BDH2: variants seen among roughly 807,000 people sequenced by gnomAD.
BDH2 encodes the protein 3-hydroxybutyrate dehydrogenase 2, also known as dehydrogenase/reductase SDR family member 6.
Under a neutral mutation model 33.2 loss-of-function variants are expected in BDH2, and 24 were observed. The observed-to-expected ratio is 0.72, with a 90% CI of 0.52 to 1.02. The LOEUF (loss-of-function observed/expected upper bound fraction) is 1.02, where lower values mean the gene tolerates loss of function less well. Among genes scored for constraint, BDH2 ranks in the 50% least tolerant of loss-of-function variants. The pLI is 0.00. For missense variants in BDH2, 249 were observed against 301.6 expected (o/e 0.83, Z 1.29); for synonymous variants, 81 against 101.6 (o/e 0.80, Z 1.22).
At chr4:103,089,557 T>C (rs1245492929) in intron 5 of BDH2, among the ~76,000 whole-genome samples, 1 of 152,232 alleles carries the variant, frequency 6.6e-6, no homozygotes, top group East Asian at 1.9e-4. Context: ...AAGTTAATGT[T>C]TGTATATTTT....
chr4:103,096,292 T>C lies in BDH2; in HGVS notation c.-20-18A>G. The C allele has an allele frequency of 3.3e-6, 5 of 1,495,548 alleles. No homozygotes were observed. The highest frequency in any genetic ancestry group is 4.7e-6 in the Non-Finnish European group (5 of 1,073,276). The allele number at this position is 1,495,548 out of a possible 1,614,324, so 92.6% of individuals were successfully genotyped here. A position where few individuals can be genotyped will look rare whatever the true frequency, so the allele number is the denominator to read the frequency against. On this transcript the variant is annotated intron_variant, in intron 1 of 9. Coordinates refer to ENST00000296424, the MANE Select transcript of BDH2 (RefSeq NM_020139.4). Reference sequence around the variant, plus strand: ...GGTTTAATCTAAAGACATGTGTGTTTAATGGGTTATACTGTAGAACATGAT... The same window carrying C: ...GGTTTAATCTAAAGACATGTGTGTTCAATGGGTTATACTGTAGAACATGAT...
rs191739972 is a variant in BDH2, at chr4:103,081,542, T to C, written c.684+539A>G. 5.7e-4 allele frequency among the ~76,000 whole-genome samples: 87 copies of C among 152,290 alleles called. 2 individuals carry two copies. Among genetic ancestry groups the C allele is most frequent in the Admixed American group, 9.1e-4 (14 of 15,306 alleles). ...AACTCCTGAACTCAGGTGATCCGCC[T>C]GCCTCGACCTCCCAAAGTGCTGGGA... On this transcript the variant is annotated intron_variant, in intron 9 of 9. Coordinates refer to ENST00000296424, the MANE Select transcript of BDH2 (RefSeq NM_020139.4).
At chr4:103,088,854 G>A (rs754079178) in intron 5 of BDH2, among the ~76,000 whole-genome samples, 27 of 152,162 alleles carry the variant, frequency 1.8e-4, no homozygotes, top group Non-Finnish European at 2.8e-4. Flanking sequence ...ACAAATGTTT[G>A]TGGAGCACCT....
At chr4:103,082,836 A>C (rs56412006) in intron 8 of BDH2, 35 bp downstream of exon 8, 328,670 of 1,557,286 alleles carry the variant, frequency 0.21, 36,160 homozygotes, top group African/African-American at 0.34. Flanking sequence ...ATTTATTAAC[A>C]AAAGGTTTAA....
At chr4:103,097,527 A>G (rs960936700) in intron 1 of BDH2, 1 of 152,116 alleles carries the variant, frequency 6.6e-6, no homozygotes, top group Non-Finnish European at 1.5e-5. Flanking sequence ...TGTGCCTCTG[A>G]CCTCATACGA....
intron 4 of BDH2, chr4:103,092,374 T>C: frequency 1.8e-6 from 1 of 546,370 alleles, no homozygotes; most frequent in African/African-American, 1.9e-5. Context: ...ATCAGTACCA[T>C]CTGTCTTGAG....
chr4:103,090,037 C>T (rs1748002862), intron 5 of BDH2, among the ~76,000 whole-genome samples: 1 of 152,178 alleles, frequency 6.6e-6, no homozygotes, highest in Admixed American at 6.5e-5. Context: ...ATCAGCCCTG[C>T]TGTGCCATTA....
Position 103,096,276 on chromosome 4 carries a change from T to G in BDH2, c.-20-2A>C. On this transcript the variant is annotated splice_acceptor_variant, in intron 1 of 9. Transcript: ENST00000296424. LOFTEE classifies it low-confidence loss of function (5UTR_SPLICE). ...CCATAATGGAACCTGTGGTTTAATC[T>G]AAAGACATGTGTGTTTAATGGGTTA... is the stretch of plus-strand genomic sequence containing the variant. 6.3e-7 allele frequency: 1 copy of G among 1,598,844 alleles called. No homozygotes were observed. The highest frequency in any genetic ancestry group is 8.6e-7 in the Non-Finnish European group (1 of 1,166,538).
chr4:103,092,498 A>G, intron 4 of BDH2, 102 bp downstream of exon 4: 6 of 763,990 alleles, frequency 7.9e-6, no homozygotes, highest in Non-Finnish European at 1.3e-5. Context: ...GGAATATGTC[A>G]TGGTTCACAA....
In BDH2 at chr4:103,079,619, G is replaced by T; in HGVS notation, c.*83C>A. The T allele has an allele frequency of 7.6e-7, 1 of 1,316,318 alleles. No individual in the cohort carries two copies. Among genetic ancestry groups the T allele is most frequent in the Non-Finnish European group, 1.1e-6 (1 of 913,642 alleles). The allele number at this position is 1,316,318 out of a possible 1,614,324, so 81.5% of individuals were successfully genotyped here. A position where few individuals can be genotyped will look rare whatever the true frequency, so the allele number is the denominator to read the frequency against. On this transcript the variant is annotated 3_prime_UTR_variant, in exon 10 of 10. Transcript: ENST00000296424. ...ATTAACATGTGATTAACAGGAAGGA[G>T]ATGATTGGTGAGTTTTCTTCGTAAC...
At chr4:103,097,276 A>G (rs193095429) in intron 1 of BDH2, among the ~76,000 whole-genome samples, 1 of 152,348 alleles carries the variant, frequency 6.6e-6, no homozygotes, top group Non-Finnish European at 1.5e-5. Flanking sequence ...ATCCTCTTAT[A>G]AAGTTTAAGC....
At chr4:103,082,840 G>A in intron 8 of BDH2, 31 bp downstream of exon 8, 1 of 1,563,318 alleles carries the variant, frequency 6.4e-7, no homozygotes, top group African/African-American at 1.4e-5. Context: ...ATTAACAAAA[G>A]GTTTAAATAC....
chr4:103,092,827 A>G, intron 3 of BDH2, 131 bp from the exon 4 acceptor site: 1 of 707,762 alleles, frequency 1.4e-6, no homozygotes, highest in South Asian at 1.6e-5. Flanking sequence ...CCTTCTTACT[A>G]GGGTCTTAAG....
intron 7 of BDH2, among the ~76,000 whole-genome samples, chr4:103,083,884 T>C (rs533305823): frequency 1.9e-4 from 29 of 152,346 alleles, no homozygotes; most frequent in Non-Finnish European, 2.6e-4. Context: ...TGACTCCATT[T>C]TGGAACCCCC....
chr4:103,095,236 C>CCTG lies in BDH2; in HGVS notation c.117_118insCAG (p.Asn39_Glu40insGln). ...TTTTCCAGTTCCTGAAGTTTGGACT[C>CCTG]ATTAATGTCTGTGGCTATGACTTTG... On this transcript the variant is annotated inframe_insertion, in exon 3 of 10. Transcript: ENST00000296424. The CCTG allele has an allele frequency of 6.2e-7, 1 of 1,613,848 alleles. No homozygotes were observed. The highest frequency in any genetic ancestry group is 8.5e-7 in the Non-Finnish European group (1 of 1,179,834).
intron 9 of BDH2, among the ~76,000 whole-genome samples, chr4:103,080,060 T>C (rs558828274): frequency 1.3e-5 from 2 of 152,326 alleles, no homozygotes; most frequent in South Asian, 4.1e-4. Context: ...AATTAGGATA[T>C]AGGCTAAAAG....
chr4:103,095,428 T>G, intron 2 of BDH2, 147 bp from the exon 3 acceptor site: 1 of 583,812 alleles, frequency 1.7e-6, no homozygotes. Flanking sequence ...CTATCTAGTC[T>G]TACCCCTTCT....
intron 3 of BDH2, among the ~76,000 whole-genome samples, chr4:103,093,227 G>A (rs1269595683): frequency 2.0e-5 from 3 of 152,150 alleles, no homozygotes; most frequent in African/African-American, 7.2e-5. Flanking sequence ...TCTGAGTGAG[G>A]GGTGGAGAAG....
intron 7 of BDH2, among the ~76,000 whole-genome samples, chr4:103,083,727 CAA>C (rs1747633644): frequency 6.6e-6 from 1 of 152,124 alleles, no homozygotes. Flanking sequence ...GAGGTTGTAA[CAA>C]ATGGTTTTAC....
Sources: gnomAD v4.1 joint callset for allele counts (sites outside exome capture counted in the v4.1 genomes callset) on GRCh38, gnomAD v4.1.1 for gene constraint, MANE v1.5 for transcripts, NCBI Gene and HGNC (gene_info 2026-07-23, HGNC 2026-07-21) for gene names.